IL4R: variants seen among roughly 807,000 people sequenced by gnomAD.
IL4R encodes interleukin 4 receptor, also known as interleukin-4 receptor subunit alpha.
In IL4R, 17 loss-of-function variants were observed where a neutral mutation model predicts 41.5. The ratio of observed to expected loss-of-function variants is 0.41; its 90% CI spans 0.28 to 0.61. The LOEUF is 0.61. Among genes scored for constraint, IL4R ranks in the 20% least tolerant of loss-of-function variants. The pLI, the probability that IL4R is intolerant of heterozygous loss-of-function variation, is 0.31. For synonymous variants in IL4R, 402 were observed against 422.9 expected (o/e 0.95, Z 0.61); for missense variants, 974 against 1,043.1 (o/e 0.93, Z 0.91).
chr16:27,347,109 C>T (rs1167770574), intron 6 of IL4R, among the ~76,000 whole-genome samples: 1 of 152,158 alleles, frequency 6.6e-6, no homozygotes, highest in Non-Finnish European at 1.5e-5. Flanking sequence ...TTAGACTTTC[C>T]CAAGAAAACA....
At position 27,314,269 on chromosome 16, in the gene IL4R, G is replaced by A. The variant is rs900133919; in HGVS notation, c.-152+249G>A. 68 of 315,410 alleles carry A rather than the reference G, an allele frequency of 2.2e-4. 1 individual carries two copies. The highest frequency in any genetic ancestry group is 1.4e-3 in the African/African-American group (64 of 44,558). 19.5% of individuals were successfully genotyped at this position (315,410 alleles called of 1,614,324 possible). On this transcript the variant is annotated intron_variant, in intron 1 of 10. Transcript: ENST00000395762. ...CCAGCGCTCCCCAAAGCCGGTGCTG[G>A]CAGTGAGACCTCCGCCGGGACGGCC...
chr16:27,348,127 T>C (rs2085723220), intron 6 of IL4R, among the ~76,000 whole-genome samples: 1 of 152,234 alleles, frequency 6.6e-6, no homozygotes, highest in South Asian at 2.1e-4. Flanking sequence ...CTGCTTCCTC[T>C]CAATCTGGCC....
intron 4 of IL4R, 114 bp from the exon 5 acceptor site, chr16:27,344,755 G>A (rs763997764): frequency 1.2e-4 from 135 of 1,117,788 alleles, no homozygotes; most frequent in Non-Finnish European, 1.6e-4. Flanking sequence ...CCTCACATCC[G>A]TGATCGGGAA....
intron 1 of IL4R, among the ~76,000 whole-genome samples, chr16:27,329,239 A>T (rs1047642918): frequency 6.6e-6 from 1 of 152,098 alleles, no homozygotes; most frequent in African/African-American, 2.4e-5. Context: ...CCAAGTAGAT[A>T]CGGGTGCTAT....
In IL4R at chr16:27,345,958, T is replaced by C. The variant is rs3024568; in HGVS notation, c.362-509T>C. Reference sequence around the variant, plus strand: ...CTGCCCTCCAGCCTGGGCGACAGAGTGAGATTACGTCTCAAAAAAATAAAA... The same window carrying C: ...CTGCCCTCCAGCCTGGGCGACAGAGCGAGATTACGTCTCAAAAAAATAAAA... On this transcript the variant is annotated intron_variant, in intron 5 of 10. Transcript: ENST00000395762. This position sits in a 1 kb window ranked among gnomAD's most constrained non-coding sequence, Gnocchi z 4.5. Among the ~76,000 whole-genome samples the C allele has an allele frequency of 0.018, 2,724 of 152,118 alleles. 86 individuals carry two copies. Among genetic ancestry groups the C allele is most frequent in the African/African-American group, 0.061 (2,553 of 41,522 alleles).
chr16:27,363,162 A>G lies in IL4R; in HGVS notation c.1810A>G (p.Lys604Glu). Residue 604 changes from lysine to glutamate, a missense_variant, in exon 11 of 11, where the codon AAG becomes GAG. By Grantham distance (56) the Lys-to-Glu change is moderately conservative. Around this residue, in one of 3 missense-constraint regions of IL4R, gnomAD observed 682 missense variants for 704.3 expected, o/e 0.97. Transcript: ENST00000395762. ...GGGTCCCCCAGGAGAGGCTGGTTAC[A>G]AGGCCTTCTCAAGCCTGCTTGCCAG... is the stretch of plus-strand genomic sequence containing the variant. The part of the protein sequence containing the change: ...GLGPPGEAGY[K>E]AFSSLLASSA... 6.2e-7 allele frequency: 1 copy of G among 1,612,892 alleles called. No homozygotes were observed.
intron 3 of IL4R, among the ~76,000 whole-genome samples, chr16:27,341,867 G>A (rs3024542): frequency 0.017 from 2,536 of 152,302 alleles, 67 homozygotes; most frequent in African/African-American, 0.057. Flanking sequence ...AAGTTTGTGT[G>A]AGATAAAGGT....
chr16:27,343,724 G>A (rs997106454), intron 4 of IL4R, among the ~76,000 whole-genome samples: 6 of 152,224 alleles, frequency 3.9e-5, no homozygotes, highest in South Asian at 4.1e-4. Context: ...CACTGAGCCC[G>A]GCCTCCTCCT....
intron 2 of IL4R, among the ~76,000 whole-genome samples, chr16:27,331,056 A>G (rs11320674): frequency 8.3e-6 from 1 of 120,932 alleles, no homozygotes; most frequent in Non-Finnish European, 2.0e-5. Flanking sequence ...ACATCCCCCC[A>G]GACTTCTCAA....
Position 27,360,767 on chromosome 16 carries a change from G to A in IL4R, c.851G>A (p.Gly284Glu), listed in dbSNP as rs2086254543. The A allele has an allele frequency of 6.2e-7, 1 of 1,614,084 alleles. No individual in the cohort carries two copies. Among genetic ancestry groups the A allele is most frequent in the Non-Finnish European group, 8.5e-7 (1 of 1,180,014 alleles). Reference sequence around the variant, plus strand: ...TCATTGGCTGTCTCTGTATTTTAGGGGTCACAGTGGGAGAAGCGGTCCCGA... The same window carrying A: ...TCATTGGCTGTCTCTGTATTTTAGGAGTCACAGTGGGAGAAGCGGTCCCGA... ...LVAIIIQDAQ[G>E]SQWEKRSRGQ... Residue 284 changes from glycine to glutamate, a missense_variant and splice_region_variant, in exon 10 of 11, where the codon GGG becomes GAG. Transcript: ENST00000395762.
upstream of IL4R, chr16:27,313,804 G>T (rs1372085275): frequency 4.9e-6 from 3 of 608,564 alleles, no homozygotes; most frequent in South Asian, 1.3e-4. Context: ...CGGGGACAGC[G>T]ACAGGGGCGC....
At chr16:27,332,198 C>T (rs2085129271) in intron 2 of IL4R, among the ~76,000 whole-genome samples, 1 of 151,982 alleles carries the variant, frequency 6.6e-6, no homozygotes, top group South Asian at 2.1e-4. Flanking sequence ...AGGACATGCC[C>T]AAGACTGGGT....
chr16:27,341,761 C>T (rs117067442), intron 3 of IL4R, among the ~76,000 whole-genome samples: 1,942 of 152,336 alleles, frequency 0.013, 24 homozygotes, highest in Non-Finnish European at 0.019. Context: ...GGAAGTGGCA[C>T]TTCCCCTAGC....
intron 1 of IL4R, among the ~76,000 whole-genome samples, chr16:27,317,682 G>C (rs541177256): frequency 6.6e-5 from 10 of 152,290 alleles, no homozygotes; most frequent in Admixed American, 6.5e-4. Flanking sequence ...AAGGGCCTGA[G>C]CTTGAAGAGG....
chr16:27,327,467 G>A (rs753911736), intron 1 of IL4R, among the ~76,000 whole-genome samples: 1 of 152,152 alleles, frequency 6.6e-6, no homozygotes, highest in South Asian at 2.1e-4. Flanking sequence ...GGTGGCGGGC[G>A]TGTTTTCCCA....
intron 8 of IL4R, among the ~76,000 whole-genome samples, 154 bp downstream of exon 8, chr16:27,356,061 A>G (rs2086063261): frequency 6.8e-6 from 1 of 146,932 alleles, no homozygotes; most frequent in Non-Finnish European, 1.5e-5. Flanking sequence ...CTGAGAACAT[A>G]TCGACAAGGA....
chr16:27,315,153 A>ATGACCCACTGCACTTCCCT (rs1567300019), intron 1 of IL4R, among the ~76,000 whole-genome samples: 1 of 152,152 alleles, frequency 6.6e-6, no homozygotes, highest in Non-Finnish European at 1.5e-5. Flanking sequence ...TGCCCCCAGT[A>ATGACCCACTGCACTTCCCT]GCCTATGAGG....
At chr16:27,344,671 T>A (rs1249573993) in intron 4 of IL4R, among the ~76,000 whole-genome samples, 198 bp from the exon 5 acceptor site, 2 of 152,220 alleles carry the variant, frequency 1.3e-5, no homozygotes, top group Non-Finnish European at 2.9e-5. Flanking sequence ...GGTAAGAGGC[T>A]GTGGCCAGCA....
At chr16:27,346,985 C>T (rs943269029) in intron 6 of IL4R, among the ~76,000 whole-genome samples, 4 of 152,224 alleles carry the variant, frequency 2.6e-5, no homozygotes, top group African/African-American at 9.7e-5. Context: ...ACTCAAGAGA[C>T]AGTGACCCGT....
Sources: gnomAD v4.1 joint callset for allele counts (sites outside exome capture counted in the v4.1 genomes callset) on GRCh38, gnomAD v4.1.1 for gene constraint, gnomAD v4.1.1 regional missense constraint, Gnocchi (gnomAD v3.1) non-coding constraint, MANE v1.5 for transcripts, NCBI Gene and HGNC (gene_info 2026-07-23, HGNC 2026-07-21) for gene names.